Variants in AGK observed in about 807,000 individuals in gnomAD.
AGK encodes acylglycerol kinase, mitochondrial.
A neutral mutation model predicts 66.4 loss-of-function variants in AGK; 52 were observed. That is an observed-to-expected ratio of 0.78 (90% confidence interval 0.63 to 0.99). The LOEUF (loss-of-function observed/expected upper bound fraction) is 0.99. AGK is among the 50% of genes least tolerant of loss of function. AGK has a pLI of 0.00. For missense variants in AGK, 451 were observed against 506.6 expected, an observed-to-expected ratio of 0.89 and a Z score of 1.05; for synonymous variants, 182 against 181.1, an observed-to-expected ratio of 1.00 and a Z score of -0.04.
intron 13 of AGK, among the ~76,000 whole-genome samples, chr7:141,647,155 T>TA (rs1797431557): frequency 6.6e-6 from 1 of 151,736 alleles, no homozygotes. Flanking sequence ...GGGCCGTTCT[T>TA]ACACATTTAT....
chr7:141,605,848 T>C lies in AGK; in HGVS notation c.297+4568T>C, dbSNP rs145243075. ...TTTCTACCTTAGGCTTTGTCTCCCA[T>C]TTGACATGAAAGCTCCAAGACAACC... is the stretch of plus-strand genomic sequence containing the variant. On this transcript the variant is annotated intron_variant, in intron 5 of 15. Transcript: ENST00000649286. Among the ~76,000 whole-genome samples, 82 of 152,280 alleles carry C rather than the reference T, an allele frequency of 5.4e-4. 1 individual carries two copies. The East Asian group carries it at 0.015, about 29-fold the overall frequency.
chr7:141,646,276 C>T (rs1265995175), intron 13 of AGK, among the ~76,000 whole-genome samples: 1 of 152,036 alleles, frequency 6.6e-6, no homozygotes, highest in Non-Finnish European at 1.5e-5. Context: ...GAAACCACCA[C>T]CCGAGATAGA....
chr7:141,582,800 G>A (rs1233728750), intron 2 of AGK, among the ~76,000 whole-genome samples: 1 of 151,852 alleles, frequency 6.6e-6, no homozygotes, highest in Admixed American at 6.5e-5. Flanking sequence ...TGTGAGGAGG[G>A]GAGGTGATAA....
chr7:141,618,080 A>G (rs1393793265), intron 8 of AGK, among the ~76,000 whole-genome samples: 1 of 152,226 alleles, frequency 6.6e-6, no homozygotes, highest in Non-Finnish European at 1.5e-5. Context: ...TAATGTGTCT[A>G]TCTTGGGATT....
chr7:141,600,308 G>T (rs984043710), intron 4 of AGK, among the ~76,000 whole-genome samples: 1 of 152,132 alleles, frequency 6.6e-6, no homozygotes, highest in Non-Finnish European at 1.5e-5. Context: ...TATGCCATTG[G>T]TGGAAGAGAT....
intron 8 of AGK, among the ~76,000 whole-genome samples, chr7:141,620,509 C>G (rs1474363296): frequency 7.3e-6 from 1 of 137,162 alleles, no homozygotes; most frequent in East Asian, 2.4e-4. Flanking sequence ...AAACTGCTGC[C>G]CCCAAGATTG....
intron 9 of AGK, among the ~76,000 whole-genome samples, chr7:141,626,116 A>G (rs565790369): frequency 1.3e-5 from 2 of 152,344 alleles, no homozygotes; most frequent in African/African-American, 4.8e-5. Context: ...GCTGTGAAGG[A>G]TTGGCTTTCG....
At chr7:141,639,110 G>A (rs1797232948) in intron 11 of AGK, among the ~76,000 whole-genome samples, 1 of 152,184 alleles carries the variant, frequency 6.6e-6, no homozygotes, top group African/African-American at 2.4e-5. Context: ...AAAAGTAAGA[G>A]TTTCGAGAAG....
At chr7:141,626,689 A>G (rs1450919916) in intron 9 of AGK, among the ~76,000 whole-genome samples, 2 of 152,214 alleles carry the variant, frequency 1.3e-5, no homozygotes, top group African/African-American at 4.8e-5. Flanking sequence ...GGACTCATCA[A>G]AAAATGTCAA....
Position 141,598,386 on chromosome 7 carries a change from G to A in AGK, c.221+1745G>A, listed in dbSNP as rs1020954028. The stretch of plus-strand genomic sequence containing the variant: ...ATAAGTAAATTGTCAGTGGTGGCCC[G>A]TGGCTGAAGATAACAGAGAACTCAG... On this transcript the variant is annotated intron_variant, in intron 4 of 15. Transcript: ENST00000649286. This position sits in a 1 kb window ranked among gnomAD's most constrained non-coding sequence, Gnocchi z 4.2. Among the ~76,000 whole-genome samples, 6 of 152,126 alleles carry A rather than the reference G, an allele frequency of 3.9e-5. No individual in the cohort carries two copies. Among genetic ancestry groups the A allele is most frequent in the African/African-American group, 7.2e-5 (3 of 41,410 alleles).
In AGK at chr7:141,615,454, C is replaced by T. The variant is rs1554402045; in HGVS notation, c.424-17C>T. On this transcript the variant is annotated splice_polypyrimidine_tract_variant and intron_variant, in intron 7 of 15. Transcript: ENST00000649286. ...CTGATCATAACAATAAAACTTTCCT[C>T]TTCTTTCCCCCCCCAGGCTACCTTC... 2.5e-6 allele frequency: 4 copies of T among 1,607,718 alleles called. No individual in the cohort carries two copies. The South Asian group carries it at 4.4e-5, about 18-fold the overall frequency.
intron 2 of AGK, among the ~76,000 whole-genome samples, chr7:141,569,646 ACT>A (rs1208119981): frequency 6.6e-6 from 1 of 152,160 alleles, no homozygotes; most frequent in Admixed American, 6.6e-5. Context: ...CTTCCTTATA[ACT>A]CTATGAGATG....
At chr7:141,558,644 A>G (rs948530613) in intron 2 of AGK, among the ~76,000 whole-genome samples, 5 of 152,218 alleles carry the variant, frequency 3.3e-5, no homozygotes, top group Admixed American at 2.0e-4. Context: ...ATATATGCCC[A>G]GAAGTGGGGA....
rs375822022 is a variant in AGK at position 141,641,829 on chromosome 7, G to C, written c.896G>C (p.Ser299Thr). 1.5e-5 allele frequency: 23 copies of C among 1,580,510 alleles called. No individual in the cohort carries two copies. In the African/African-American group the frequency reaches 2.8e-4, roughly 19 times the overall value. Residue 299 changes from serine to threonine, a missense_variant, in exon 13 of 16, where the codon AGC becomes ACC. Physicochemically the swap from Ser to Thr is moderately conservative, Grantham distance 58 (BLOSUM62 1). Transcript: ENST00000649286. ...QPQDALSQEV[S>T]PEVWKDVQLS... ...CCCACAGCCCTTTCCCAAGAGGTGA[G>C]CCCGGAGGTCTGGAAAGATGTGCAG...
At chr7:141,593,318 A>G (rs1366212204) in intron 3 of AGK, 133 bp downstream of exon 3, 1 of 831,052 alleles carries the variant, frequency 1.2e-6, no homozygotes, top group Admixed American at 2.0e-5. Flanking sequence ...TATCAGGATG[A>G]ATCACGCTGG....
intron 2 of AGK, among the ~76,000 whole-genome samples, chr7:141,557,290 A>G (rs1020063312): frequency 6.6e-6 from 1 of 152,234 alleles, no homozygotes; most frequent in African/African-American, 2.4e-5. Context: ...CAGGCATTCA[A>G]ATTCCATTAG....
chr7:141,604,374 G>GTGTATATATATATATA lies in AGK; in HGVS notation c.297+3095_297+3096insGTATATATATATATAT, dbSNP rs1554400830. Among the ~76,000 whole-genome samples, 56 of 113,788 alleles carry GTGTATATATATATATA rather than the reference G, an allele frequency of 4.9e-4. 1 individual carries two copies. The highest frequency in any genetic ancestry group is 1.5e-3 in the Admixed American group (16 of 10,934). The allele number at this position is 113,788 out of a possible 152,430, so 74.6% of individuals were successfully genotyped here. A position where few individuals can be genotyped will look rare whatever the true frequency, so the allele number is the denominator to read the frequency against. On this transcript the variant is annotated intron_variant, in intron 5 of 15. Transcript: ENST00000649286. ...CATATGTATGAATGTGTGTGTGTGT[G>GTGTATATATATATATA]TATATATATATATATATATATATAT...
intron 2 of AGK, among the ~76,000 whole-genome samples, chr7:141,560,795 C>CTTTTTT (rs71172604): frequency 7.3e-5 from 9 of 123,988 alleles, no homozygotes; most frequent in Non-Finnish European, 1.2e-4. Context: ...GCCATTCTTT[C>CTTTTTT]TTTTTTTTTT....
rs1241518584 is a variant in AGK, at chr7:141,598,462, A to G, written c.221+1821A>G. Among the ~76,000 whole-genome samples, 1 of 152,172 alleles carries G rather than the reference A, an allele frequency of 6.6e-6. No individual in the cohort carries two copies. The highest frequency in any genetic ancestry group is 2.4e-5 in the African/African-American group (1 of 41,428). On this transcript the variant is annotated intron_variant, in intron 4 of 15. Transcript: ENST00000649286. This position sits in a 1 kb window ranked among gnomAD's most constrained non-coding sequence, Gnocchi z 4.2. ...TGGTCTGTTTACTGTTTTGCCACTT[A>G]CTAGCTCTATGATATTGTGGGAGTT...
Sources: allele counts gnomAD v4.1 joint callset (sites outside exome capture counted in the v4.1 genomes callset), GRCh38; gene constraint gnomAD v4.1.1; non-coding constraint Gnocchi (gnomAD v3.1); transcripts MANE v1.5; gene names NCBI Gene and HGNC (gene_info 2026-07-23, HGNC 2026-07-21).